Variants in AKAP13 observed in about 807,000 individuals in gnomAD.
AKAP13 encodes A-kinase anchor protein 13.
A neutral mutation model predicts 264.5 loss-of-function variants in AKAP13; 80 were observed. The observed-to-expected ratio is 0.30, with a 90% CI of 0.25 to 0.36. The LOEUF is 0.36. Among genes scored for constraint, AKAP13 ranks in the 10% least tolerant of loss-of-function variants. AKAP13 has a pLI of 1.00. For missense variants in AKAP13, 3,712 were observed against 3,435.2 expected (o/e 1.08, Z -2.01); for synonymous variants, 1,380 against 1,250.2 (o/e 1.10, Z -2.19).
chr15:85,477,638 A>G (rs1303619418), intron 1 of AKAP13, among the ~76,000 whole-genome samples: 2 of 122,290 alleles, frequency 1.6e-5, no homozygotes, highest in Non-Finnish European at 3.5e-5. Flanking sequence ...TAAAAAAAGG[A>G]AAAAAAAAAA....
At chr15:85,416,030 A>G (rs1016489649) in intron 1 of AKAP13, among the ~76,000 whole-genome samples, 9 of 152,310 alleles carry the variant, frequency 5.9e-5, no homozygotes, top group African/African-American at 2.2e-4. Context: ...CAATGGGAAG[A>G]TTCGAATGAA....
chr15:85,692,009 A>G, intron 16 of AKAP13: 1 of 402,954 alleles, frequency 2.5e-6, no homozygotes, highest in Non-Finnish European at 4.9e-6. Context: ...CCATTTTTTT[A>G]AAGGAAGTGA....
chr15:85,447,977 C>T (rs897412954), intron 1 of AKAP13, among the ~76,000 whole-genome samples: 1 of 152,212 alleles, frequency 6.6e-6, no homozygotes, highest in African/African-American at 2.4e-5. Context: ...AACTAATTTA[C>T]CAACTCACCA....
At chr15:85,696,742 C>G (rs1447987458) in intron 17 of AKAP13, among the ~76,000 whole-genome samples, 1 of 152,068 alleles carries the variant, frequency 6.6e-6, no homozygotes, top group African/African-American at 2.4e-5. Flanking sequence ...ATAGCTGAAC[C>G]TGCCAAATAG....
chr15:85,466,925 T>C (rs1238436478), intron 1 of AKAP13, among the ~76,000 whole-genome samples: 2 of 152,198 alleles, frequency 1.3e-5, no homozygotes, highest in Non-Finnish European at 2.9e-5. Flanking sequence ...TCCCTTCACT[T>C]TGTTCCCAAC....
chr15:85,388,836 C>T (rs1241651738), intron 1 of AKAP13, among the ~76,000 whole-genome samples: 1 of 152,086 alleles, frequency 6.6e-6, no homozygotes, highest in Non-Finnish European at 1.5e-5. Flanking sequence ...TTGTTGAGTC[C>T]TTATCTGTTA....
chr15:85,662,550 C>T, intron 12 of AKAP13: 1 of 1,337,810 alleles, frequency 7.5e-7, no homozygotes, highest in Non-Finnish European at 1.1e-6. Context: ...GGCTGGGATG[C>T]ATATGGGCAG....
At chr15:85,381,752 C>G (rs919596264) in intron 1 of AKAP13, 3 of 152,022 alleles carry the variant, frequency 2.0e-5, no homozygotes, top group African/African-American at 7.2e-5. Context: ...GCTAATGACA[C>G]TCCTTAATGA....
Position 85,580,994 on chromosome 15 carries a change from A to C in AKAP13, c.2926A>C (p.Lys976Gln). 1.9e-6 allele frequency: 3 copies of C among 1,613,946 alleles called. No homozygotes were observed. The highest frequency in any genetic ancestry group is 2.2e-5 in the East Asian group (1 of 44,886). Reference sequence around the variant, plus strand: ...AATCTCAGCTGACTGTGCCAAGGACAAAGCACTTCAGCTAAGTAATTCACC... The same window carrying C: ...AATCTCAGCTGACTGTGCCAAGGACCAAGCACTTCAGCTAAGTAATTCACC... The part of the protein sequence containing the change: ...KSISADCAKD[K>Q]ALQLSNSPGA... Residue 976 changes from lysine to glutamine, a missense_variant, in exon 7 of 37, where the codon AAA becomes CAA. By Grantham distance (53) the Lys-to-Gln change is moderately conservative. Transcript: ENST00000394518.
rs55928032 is a variant in AKAP13 at position 85,631,502 on chromosome 15, T to TCACACA, written c.4162-7826_4162-7821dup. Reference sequence around the variant, plus strand: ...CACACTTTCTCTCTCTCTCTCTCTCTCACACACACACACACACACACACAC... The same window carrying TCACACA: ...CACACTTTCTCTCTCTCTCTCTCTCTCACACACACACACACACACACACACACACAC... On this transcript the variant is annotated intron_variant, in intron 8 of 36. Coordinates refer to ENST00000394518, the MANE Select transcript of AKAP13 (RefSeq NM_007200.5). 1.2e-3 allele frequency among the ~76,000 whole-genome samples: 165 copies of TCACACA among 141,016 alleles called. 1 individual carries two copies. The highest frequency in any genetic ancestry group is 1.4e-3 in the South Asian group (6 of 4,290). 92.5% of individuals were successfully genotyped at this position (141,016 alleles called of 152,430 possible).
At chr15:85,655,360 G>A in intron 10 of AKAP13, 57 bp from the exon 11 acceptor site, 1 of 1,563,618 alleles carries the variant, frequency 6.4e-7, no homozygotes, top group Non-Finnish European at 8.7e-7. Context: ...TAGAATAACT[G>A]AGGCTATCTG....
intron 8 of AKAP13, chr15:85,621,618 G>C (rs1033118760): frequency 9.9e-5 from 15 of 152,108 alleles, no homozygotes; most frequent in African/African-American, 3.6e-4. Context: ...CTCTAGGTGG[G>C]CATGGAAAGC....
intron 16 of AKAP13, among the ~76,000 whole-genome samples, chr15:85,688,053 A>G (rs2085052009): frequency 6.7e-6 from 1 of 149,750 alleles, no homozygotes. Context: ...AAAAAAAGAG[A>G]GAGAGAGGAA....
rs1316718988 is a variant in AKAP13, at chr15:85,743,704, A to C, written c.8271A>C (p.Pro2757=). 1.9e-6 allele frequency: 3 copies of C among 1,614,104 alleles called. No individual in the cohort carries two copies. In the African/African-American group the frequency reaches 4.0e-5, roughly 22 times the overall value. The change falls in exon 36 of 37, where the codon CCA becomes CCC. Residue 2757 remains proline, a synonymous_variant. Coordinates refer to ENST00000394518, the MANE Select transcript of AKAP13 (RefSeq NM_007200.5). ...LSSTSQTNKG[P]EGQSQAPAST... is the part of the protein sequence containing the mutation. ...CAACCAGCCAGACAAACAAAGGACC[A>C]GAAGGGCAGAGCCAGGCCCCTGCGT...
At chr15:85,576,388 C>G (rs2151300445) in intron 6 of AKAP13, among the ~76,000 whole-genome samples, 1 of 151,350 alleles carries the variant, frequency 6.6e-6, no homozygotes, top group East Asian at 2.0e-4. Context: ...ACAAAGATAG[C>G]TAAAAAAAAC....
Position 85,745,088 on chromosome 15 carries a change from A to C in AKAP13, c.*411A>C, listed in dbSNP as rs2089328565. On this transcript the variant is annotated 3_prime_UTR_variant, in exon 37 of 37. Coordinates refer to ENST00000394518, the MANE Select transcript of AKAP13 (RefSeq NM_007200.5). ...CCAAACAGCAGATGTTTTGGACTTG[A>C]TCTGTGTACGTACATGGGGACCTGT... The C allele has an allele frequency of 5.9e-6, 1 of 168,390 alleles. No individual in the cohort carries two copies. Among genetic ancestry groups the C allele is most frequent in the African/African-American group, 2.4e-5 (1 of 41,612 alleles). 10.4% of individuals were successfully genotyped at this position (168,390 alleles called of 1,614,324 possible). A position where few individuals can be genotyped will look rare whatever the true frequency, so the allele number is the denominator to read the frequency against.
At chr15:85,532,885 C>G (rs923346471) in intron 3 of AKAP13, among the ~76,000 whole-genome samples, 2 of 152,168 alleles carry the variant, frequency 1.3e-5, no homozygotes, top group South Asian at 4.1e-4. Context: ...TTTGCGTTTC[C>G]TGAACTGGGC....
At chr15:85,536,820 T>A (rs1596466538) in intron 4 of AKAP13, 2 of 151,518 alleles carry the variant, frequency 1.3e-5, no homozygotes, top group African/African-American at 4.9e-5. Context: ...GGGCTGGGAG[T>A]GGGGGAAGTC....
At chr15:85,419,199 C>T (rs961091258) in intron 1 of AKAP13, among the ~76,000 whole-genome samples, 1 of 152,168 alleles carries the variant, frequency 6.6e-6, no homozygotes, top group South Asian at 2.1e-4. Flanking sequence ...AATTTTCAAA[C>T]TTCTTTGCAA....
Sources: gnomAD v4.1 joint callset for allele counts (sites outside exome capture counted in the v4.1 genomes callset) on GRCh38, gnomAD v4.1.1 for gene constraint, MANE v1.5 for transcripts, NCBI Gene and HGNC (gene_info 2026-07-23, HGNC 2026-07-21) for gene names.